The following DMXL1 variants were observed in gnomAD, a reference collection of about 807,000 sequenced individuals.
DMXL1 encodes the protein dmX-like protein 1.
Under a neutral mutation model 319.2 loss-of-function variants are expected in DMXL1, and 99 were observed. The observed-to-expected ratio is 0.31, with a 90% CI of 0.26 to 0.37. The LOEUF (loss-of-function observed/expected upper bound fraction) is 0.37. Ranked by LOEUF, DMXL1 falls within the 10% of genes least tolerant of loss-of-function variation. The probability of loss-of-function intolerance (pLI) is 1.00; values close to 1 mark genes in which losing one functional copy is unlikely to be tolerated. For synonymous variants in DMXL1, 1,385 were observed against 1,235.2 expected, an observed-to-expected ratio of 1.12 and a Z score of -2.54; for missense variants, 3,745 against 3,595.6, an observed-to-expected ratio of 1.04 and a Z score of -1.06.
In DMXL1 at chr5:119,218,323, T is replaced by C. The variant is rs191017084; in HGVS notation, c.8013+1336T>C. ...GTTGTTTTCTTCTTGAGGGTTTATA[T>C]ATAAGTACTGGTAATGAATAGCTAT... On this transcript the variant is annotated intron_variant, in intron 35 of 43. Transcript: ENST00000539542. Among the ~76,000 whole-genome samples the C allele has an allele frequency of 2.0e-4, 30 of 152,314 alleles. No individual in the cohort carries two copies. In the East Asian group the frequency reaches 5.8e-3, roughly 29 times the overall value.
At chr5:119,109,227 C>G (rs1759033592) in intron 4 of DMXL1, among the ~76,000 whole-genome samples, 1 of 152,168 alleles carries the variant, frequency 6.6e-6, no homozygotes, top group African/African-American at 2.4e-5. Flanking sequence ...TTTTAACCTT[C>G]TTTGTATACT....
Position 119,134,043 on chromosome 5 carries a change from C to G in DMXL1, c.2119C>G (p.Leu707Val). ...CAGTGCAGTTTACAGTGAGCTTATT[C>G]TGTGGAGGGTTGACCCAGTTGGGCC... The part of the protein sequence containing the change: ...DPSAVYSELI[L>V]WRVDPVGPLS... Residue 707 changes from leucine to valine, a missense_variant, in exon 12 of 44, where the codon CTG becomes GTG. Leu to Val is a conservative substitution (Grantham distance 32). Transcript: ENST00000539542. 1.9e-6 allele frequency: 3 copies of G among 1,614,164 alleles called. No homozygotes were observed. Among genetic ancestry groups the G allele is most frequent in the Non-Finnish European group, 2.5e-6 (3 of 1,180,020 alleles).
chr5:119,105,237 A>C lies in DMXL1; in HGVS notation c.343A>C (p.Asn115His). 1 of 1,613,008 alleles carries C rather than the reference A, an allele frequency of 6.2e-7. No homozygotes were observed. Among genetic ancestry groups the C allele is most frequent in the Non-Finnish European group, 8.5e-7 (1 of 1,179,174 alleles). Residue 115 changes from asparagine (N) to histidine (H), a missense_variant, in exon 4 of 44, where the codon AAT becomes CAT. Asn to His is a moderately conservative substitution (Grantham distance 68). This residue lies in a region of DMXL1 where 2,096 missense variants were observed against 1,985.4 expected (regional missense o/e 1.06). Coordinates refer to ENST00000539542, the MANE Select transcript of DMXL1 (RefSeq NM_001290321.3). The part of the protein sequence containing the change: ...GQFFLESIAH[N>H]ITWDPTGSRL... ...ATTTTTTCTGGAATCAATAGCACACAATATAACCTGGGATCCCACAGGTAA... is the reference window on the plus strand; with the variant it reads ...ATTTTTTCTGGAATCAATAGCACACCATATAACCTGGGATCCCACAGGTAA...
chr5:119,082,018 TATACACACACACACAC>T (rs1264115690), intron 1 of DMXL1, among the ~76,000 whole-genome samples: 2 of 71,400 alleles, frequency 2.8e-5, no homozygotes, highest in African/African-American at 9.4e-5. Context: ...TATATATATA[TATACACACACACACAC>T]ACACACACAC....
intron 43 of DMXL1, among the ~76,000 whole-genome samples, chr5:119,245,743 T>G (rs1218552294): frequency 6.6e-6 from 1 of 152,112 alleles, no homozygotes; most frequent in Non-Finnish European, 1.5e-5. Flanking sequence ...TTTCGCCATG[T>G]TGGCCAGGAT....
intron 2 of DMXL1, among the ~76,000 whole-genome samples, chr5:119,099,193 G>C (rs563520647): frequency 2.2e-5 from 1 of 45,118 alleles, no homozygotes; most frequent in Non-Finnish European, 4.4e-5. Flanking sequence ...TTTGTTTTTT[G>C]TTTGTTTTTG....
intron 1 of DMXL1, among the ~76,000 whole-genome samples, chr5:119,078,999 C>G (rs1183006473): frequency 6.6e-6 from 1 of 152,178 alleles, no homozygotes; most frequent in Non-Finnish European, 1.5e-5. Context: ...CACACTTGAT[C>G]AGTCTCATGT....
intron 37 of DMXL1, among the ~76,000 whole-genome samples, chr5:119,222,564 A>C (rs1402754011): frequency 6.6e-6 from 1 of 152,210 alleles, no homozygotes; most frequent in African/African-American, 2.4e-5. Context: ...CTCAGAGATT[A>C]CAATATAGTT....
intron 19 of DMXL1, among the ~76,000 whole-genome samples, chr5:119,158,462 CT>C (rs1771580429): frequency 6.6e-6 from 1 of 152,072 alleles, no homozygotes; most frequent in Non-Finnish European, 1.5e-5. Context: ...ATTTGGATGC[CT>C]TTTTATTTCT....
intron 6 of DMXL1, among the ~76,000 whole-genome samples, chr5:119,115,753 ACATGAAAATT>A (rs1213391431): frequency 3.3e-5 from 5 of 152,338 alleles, no homozygotes; most frequent in African/African-American, 1.2e-4. Flanking sequence ...TTGAAAAGTC[ACATGAAAATT>A]CATGAAAAGT....
chr5:119,126,959 CT>C (rs367708313), intron 9 of DMXL1: 1,951 of 156,400 alleles, frequency 0.012, 7 homozygotes, highest in Middle Eastern at 0.041. Flanking sequence ...AGTTTTTGAA[CT>C]TTTTTTTTTT....
intron 1 of DMXL1, among the ~76,000 whole-genome samples, chr5:119,081,053 A>C (rs1214134442): frequency 6.6e-6 from 1 of 152,186 alleles, no homozygotes; most frequent in Non-Finnish European, 1.5e-5. Flanking sequence ...ACCCACTAGA[A>C]TTGTACTACC....
intron 25 of DMXL1, among the ~76,000 whole-genome samples, chr5:119,173,772 G>A (rs1305018325): frequency 0.043 from 1,574 of 36,644 alleles, 51 homozygotes; most frequent in South Asian, 0.09. Context: ...ATATATGTGT[G>A]TGTGTATATA....
intron 19 of DMXL1, among the ~76,000 whole-genome samples, chr5:119,161,665 A>G (rs187721913): frequency 1.1e-4 from 16 of 148,898 alleles, no homozygotes; most frequent in African/African-American, 4.0e-4. Context: ...CACTGTTTGA[A>G]CTCTCTGGTT....
chr5:119,137,453 T>C (rs543826767), intron 13 of DMXL1, among the ~76,000 whole-genome samples: 28 of 152,264 alleles, frequency 1.8e-4, no homozygotes, highest in African/African-American at 6.5e-4. Context: ...AAGGCATGAT[T>C]GGTTTTGAAA....
intron 28 of DMXL1, 83 bp downstream of exon 28, chr5:119,178,327 G>C: frequency 7.0e-7 from 1 of 1,435,456 alleles, no homozygotes; most frequent in Non-Finnish European, 9.4e-7. Context: ...TTTTAATTTA[G>C]TTATAGAAAG....
chr5:119,123,460 G>A (rs1270311630), intron 9 of DMXL1, among the ~76,000 whole-genome samples: 1 of 147,194 alleles, frequency 6.8e-6, no homozygotes, highest in African/African-American at 2.5e-5. Flanking sequence ...GAGAGGAGGA[G>A]AGGTAGAGGG....
intron 15 of DMXL1, among the ~76,000 whole-genome samples, chr5:119,145,043 A>G (rs765899416): frequency 6.6e-6 from 1 of 151,826 alleles, no homozygotes; most frequent in Non-Finnish European, 1.5e-5. Flanking sequence ...TAATGCTTTT[A>G]TAATAAAAGT....
intron 38 of DMXL1, among the ~76,000 whole-genome samples, chr5:119,231,962 A>C (rs778039488): frequency 2.0e-5 from 3 of 152,026 alleles, no homozygotes; most frequent in Non-Finnish European, 2.9e-5. Flanking sequence ...CCTCCCAATT[A>C]ATTTCTTTTT....
Sources: gnomAD v4.1 joint callset for allele counts (sites outside exome capture counted in the v4.1 genomes callset) on GRCh38, gnomAD v4.1.1 for gene constraint, gnomAD v4.1.1 regional missense constraint, MANE v1.5 for transcripts, NCBI Gene and HGNC (gene_info 2026-07-23, HGNC 2026-07-21) for gene names.